The following NDST4 variants were observed in gnomAD, a reference collection of about 807,000 sequenced individuals.
NDST4 encodes the protein N-heparan sulfate sulfotransferase 4.
Under a neutral mutation model 100.8 loss-of-function variants are expected in NDST4, and 63 were observed. The observed-to-expected ratio is 0.62, with a 90% CI of 0.51 to 0.77. The LOEUF is 0.77. Ranked by LOEUF, NDST4 falls within the 30% of genes least tolerant of loss-of-function variation. NDST4 has a pLI of 0.00. For missense variants in NDST4, 943 were observed against 1,018.4 expected, an observed-to-expected ratio of 0.93 and a Z score of 1.01; for synonymous variants, 377 against 361.8, an observed-to-expected ratio of 1.04 and a Z score of -0.48.
intron 2 of NDST4, among the ~76,000 whole-genome samples, chr4:114,995,586 C>G (rs1727140734): frequency 6.6e-6 from 1 of 152,020 alleles, no homozygotes; most frequent in Admixed American, 6.6e-5. Flanking sequence ...AATATGGTTA[C>G]AGACTAAATG....
intron 1 of NDST4, among the ~76,000 whole-genome samples, chr4:115,091,597 A>G (rs1027107925): frequency 1.3e-5 from 2 of 152,056 alleles, no homozygotes; most frequent in African/African-American, 4.8e-5. Flanking sequence ...ACCAACTTCT[A>G]TTGTTCATAG....
At chr4:114,859,054 T>TA (rs1723862771) in intron 7 of NDST4, among the ~76,000 whole-genome samples, 1 of 152,192 alleles carries the variant, frequency 6.6e-6, no homozygotes, top group Non-Finnish European at 1.5e-5. Context: ...CTTACCCAGT[T>TA]ATAACTGTAA....
In NDST4 at chr4:114,845,814, T is replaced by C; in HGVS notation, c.2115+9A>G. On this transcript the variant is annotated intron_variant, in intron 10 of 13. Coordinates refer to ENST00000264363, the MANE Select transcript of NDST4 (RefSeq NM_022569.3). ...AAATGCTTTTAGCCGATTTTTTTACTGACCATACCTGGTACCAAGAGTATG... is the reference window on the plus strand; with the variant it reads ...AAATGCTTTTAGCCGATTTTTTTACCGACCATACCTGGTACCAAGAGTATG... The C allele has an allele frequency of 6.3e-7, 1 of 1,581,910 alleles. No individual in the cohort carries two copies.
Position 115,077,092 on chromosome 4 carries a change from A to G in NDST4, c.-56T>C, listed in dbSNP as rs1729205176. On this transcript the variant is annotated 5_prime_UTR_variant, in exon 2 of 14. Coordinates refer to ENST00000264363, the MANE Select transcript of NDST4 (RefSeq NM_022569.3). ...CCAATTTCGTTTCCTAAAGTGCCATAGTGAATAAAGTATGAGATGTTGCAA... is the reference window on the plus strand; with the variant it reads ...CCAATTTCGTTTCCTAAAGTGCCATGGTGAATAAAGTATGAGATGTTGCAA... The G allele has an allele frequency of 1.4e-6, 2 of 1,454,042 alleles. No individual in the cohort carries two copies. Among genetic ancestry groups the G allele is most frequent in the Non-Finnish European group, 1.8e-6 (2 of 1,082,556 alleles). 90.1% of individuals were successfully genotyped at this position (1,454,042 alleles called of 1,614,324 possible). A position where few individuals can be genotyped will look rare whatever the true frequency, so the allele number is the denominator to read the frequency against.
At chr4:115,099,859 A>G (rs971221212) in intron 1 of NDST4, among the ~76,000 whole-genome samples, 6 of 152,186 alleles carry the variant, frequency 3.9e-5, no homozygotes, top group African/African-American at 1.4e-4. Context: ...ATTTGCACAC[A>G]GATGTTTTAT....
intron 2 of NDST4, among the ~76,000 whole-genome samples, chr4:115,014,252 A>G (rs1727625371): frequency 1.3e-5 from 2 of 152,062 alleles, no homozygotes; most frequent in Admixed American, 1.3e-4. Flanking sequence ...GTCCTAAATT[A>G]GTTTGCAGGA....
chr4:115,096,089 A>G (rs1366883919), intron 1 of NDST4, among the ~76,000 whole-genome samples: 3 of 151,930 alleles, frequency 2.0e-5, no homozygotes, highest in South Asian at 2.1e-4. Context: ...ATACTCTCAA[A>G]TCATTTTACA....
intron 2 of NDST4, among the ~76,000 whole-genome samples, chr4:115,008,405 A>G (rs1369957161): frequency 7.8e-6 from 1 of 128,792 alleles, no homozygotes; most frequent in Admixed American, 8.0e-5. Flanking sequence ...TGGTGACAAA[A>G]TCACTCAGCA....
At chr4:115,068,431 T>G (rs1728997672) in intron 2 of NDST4, among the ~76,000 whole-genome samples, 1 of 152,142 alleles carries the variant, frequency 6.6e-6, no homozygotes, top group Non-Finnish European at 1.5e-5. Context: ...TGTTTTCTAC[T>G]TTTGTCTTAT....
At position 114,882,870 on chromosome 4, in the gene NDST4, T is replaced by C. The variant is rs28654828; in HGVS notation, c.1537-11920A>G. On this transcript the variant is annotated intron_variant, in intron 6 of 13. Transcript: ENST00000264363. ...CCAGAGGAAAAAGAAACATTACCTA[T>C]TGACACACAAGGATAAGAATTACAT... Among the ~76,000 whole-genome samples the C allele has an allele frequency of 2.6e-3, 402 of 151,968 alleles. 3 individuals carry two copies. The highest frequency in any genetic ancestry group is 9.3e-3 in the African/African-American group (384 of 41,478).
chr4:115,007,001 T>C (rs1308143372), intron 2 of NDST4, among the ~76,000 whole-genome samples: 2 of 152,170 alleles, frequency 1.3e-5, no homozygotes, highest in Non-Finnish European at 2.9e-5. Flanking sequence ...TAGGTTTTAT[T>C]GCATATTTAC....
intron 10 of NDST4, among the ~76,000 whole-genome samples, chr4:114,843,494 A>G (rs1723475797): frequency 6.6e-6 from 1 of 152,138 alleles, no homozygotes; most frequent in Non-Finnish European, 1.5e-5. Context: ...CCCCTTCAAA[A>G]TCACACTTTT....
intron 1 of NDST4, among the ~76,000 whole-genome samples, chr4:115,092,203 A>T (rs1729533489): frequency 6.6e-6 from 1 of 152,118 alleles, no homozygotes; most frequent in Admixed American, 6.6e-5. Context: ...TAAACTATGG[A>T]TGTAGGTGAA....
In NDST4 at chr4:114,858,726, A is replaced by G. The variant is rs1181746044; in HGVS notation, c.1720-5905T>C. Among the ~76,000 whole-genome samples, 53 of 152,166 alleles carry G rather than the reference A, an allele frequency of 3.5e-4. 1 individual carries two copies. Among genetic ancestry groups the G allele is most frequent in the Admixed American group, 3.3e-3 (51 of 15,274 alleles). On this transcript the variant is annotated intron_variant, in intron 7 of 13. Coordinates refer to ENST00000264363, the MANE Select transcript of NDST4 (RefSeq NM_022569.3). Reference sequence around the variant, plus strand: ...ATGGACCCCCTTACCAGTATTCCCAATGATATGCTTGGAGAATTTGTGCTT... The same window carrying G: ...ATGGACCCCCTTACCAGTATTCCCAGTGATATGCTTGGAGAATTTGTGCTT...
chr4:114,948,694 T>C (rs1403138898), intron 4 of NDST4, among the ~76,000 whole-genome samples: 1 of 152,104 alleles, frequency 6.6e-6, no homozygotes, highest in Non-Finnish European at 1.5e-5. Context: ...TAACCAGCTT[T>C]AATTCTCTCC....
intron 6 of NDST4, among the ~76,000 whole-genome samples, chr4:114,891,401 T>C (rs1031981165): frequency 3.9e-5 from 6 of 152,104 alleles, no homozygotes; most frequent in Non-Finnish European, 8.8e-5. Context: ...CTTTAGATCA[T>C]TTCACATTCT....
intron 7 of NDST4, among the ~76,000 whole-genome samples, chr4:114,869,570 C>T (rs72679779): frequency 0.077 from 11,776 of 152,034 alleles, 532 homozygotes; most frequent in East Asian, 0.13. Flanking sequence ...TATCTATTTA[C>T]CTGTCTTTCT....
rs112715556 is a variant in NDST4 at position 114,946,292 on chromosome 4, G to GAA, written c.1222-8791_1222-8790dup. ...TGAGGATACAGCAGTGAAGAAAACA[G>GAA]AAAAAAAAATGCCTGCCTTCAGGGA... On this transcript the variant is annotated intron_variant, in intron 4 of 13. Transcript: ENST00000264363. Among the ~76,000 whole-genome samples, 4 of 150,718 alleles carry GAA rather than the reference G, an allele frequency of 2.7e-5. No individual in the cohort carries two copies. The East Asian group carries it at 5.8e-4, about 22-fold the overall frequency.
intron 7 of NDST4, among the ~76,000 whole-genome samples, chr4:114,859,589 T>G (rs1232594785): frequency 6.6e-6 from 1 of 152,138 alleles, no homozygotes; most frequent in African/African-American, 2.4e-5. Flanking sequence ...CCAGCTGCTA[T>G]TGCCCCCAGC....
Sources: allele counts gnomAD v4.1 joint callset (sites outside exome capture counted in the v4.1 genomes callset), GRCh38; gene constraint gnomAD v4.1.1; transcripts MANE v1.5; gene names NCBI Gene and HGNC (gene_info 2026-07-23, HGNC 2026-07-21).